CIMIP6: variants seen among roughly 807,000 people sequenced by gnomAD.
CIMIP6 encodes uncharacterized protein C2orf73.
At chr2:54,373,673 G>T in the CIMIP6 span, among the ~76,000 whole-genome samples, 1 of 152,100 alleles carries the variant, frequency 6.6e-6, no homozygotes, top group Non-Finnish European at 1.5e-5. Flanking sequence ...AACTGTAGGT[G>T]GCTGCCTATT....
chr2:54,331,121 T>C, the CIMIP6 span: 6 of 921,302 alleles, frequency 6.5e-6, no homozygotes, highest in Admixed American at 1.0e-4. Context: ...CTTGCTTCTC[T>C]AATTTCCAGT....
chr2:54,370,870 CGCCT>C, the CIMIP6 span, among the ~76,000 whole-genome samples: 5 of 152,166 alleles, frequency 3.3e-5, no homozygotes, highest in Admixed American at 1.3e-4. Flanking sequence ...TACCCAGGGT[CGCCT>C]GCCAAGTGAA....
chr2:54,354,741 T>C, the CIMIP6 span, among the ~76,000 whole-genome samples: 6 of 152,116 alleles, frequency 3.9e-5, no homozygotes, highest in Non-Finnish European at 7.4e-5. Context: ...TTGTGGTTTT[T>C]CTATTCAGGT....
chr2:54,345,860 C>G, the CIMIP6 span, among the ~76,000 whole-genome samples: 3 of 152,116 alleles, frequency 2.0e-5, no homozygotes, highest in Non-Finnish European at 4.4e-5. Flanking sequence ...ACAGAAGATT[C>G]TAAAAGTTTC....
At chr2:54,341,508 A>C in the CIMIP6 span, among the ~76,000 whole-genome samples, 1 of 152,220 alleles carries the variant, frequency 6.6e-6, no homozygotes, top group Non-Finnish European at 1.5e-5. Context: ...GTAGCAGCAC[A>C]AAACAGACTA....
the CIMIP6 span, among the ~76,000 whole-genome samples, chr2:54,380,143 C>CA: frequency 3.3e-5 from 5 of 151,602 alleles, no homozygotes; most frequent in African/African-American, 1.2e-4. Flanking sequence ...GACCCCATCT[C>CA]AAAAAAATAA....
the CIMIP6 span, among the ~76,000 whole-genome samples, chr2:54,364,329 A>C: frequency 6.6e-6 from 1 of 152,242 alleles, no homozygotes; most frequent in African/African-American, 2.4e-5. Flanking sequence ...AATTACAAAA[A>C]ATAAAAAAGA....
At chr2:54,381,161 T>A in the CIMIP6 span, among the ~76,000 whole-genome samples, 4 of 152,334 alleles carry the variant, frequency 2.6e-5, no homozygotes, top group Middle Eastern at 3.4e-3. Context: ...GCTGCTCTCC[T>A]GCTTTCAAGG....
the CIMIP6 span, among the ~76,000 whole-genome samples, chr2:54,348,598 TATTCA>T: frequency 2.0e-5 from 3 of 152,236 alleles, no homozygotes; most frequent in Non-Finnish European, 4.4e-5. Context: ...GCCTGCAATT[TATTCA>T]TATTTCAGGT....
chr2:54,359,594 TAAC>T, the CIMIP6 span, among the ~76,000 whole-genome samples: 5 of 147,190 alleles, frequency 3.4e-5, no homozygotes, highest in Admixed American at 6.7e-5. Context: ...TCATTTCTAA[TAAC>T]AATAATAATA....
At chr2:54,376,470 T>A in the CIMIP6 span, among the ~76,000 whole-genome samples, 1 of 152,208 alleles carries the variant, frequency 6.6e-6, no homozygotes. Context: ...TTGTGGCCCC[T>A]CTCTTGGGGT....
chr2:54,343,206 G>C, the CIMIP6 span, among the ~76,000 whole-genome samples: 1 of 152,150 alleles, frequency 6.6e-6, no homozygotes, highest in African/African-American at 2.4e-5. Flanking sequence ...TAAGTATTTT[G>C]TGAAACTTTT....
At chr2:54,379,567 T>C in the CIMIP6 span, among the ~76,000 whole-genome samples, 5 of 152,086 alleles carry the variant, frequency 3.3e-5, no homozygotes, top group African/African-American at 1.2e-4. Flanking sequence ...AGTCCAGGCA[T>C]GGTGGCTCAT....
chr2:54,355,920 T>C, the CIMIP6 span, among the ~76,000 whole-genome samples: 1 of 152,314 alleles, frequency 6.6e-6, no homozygotes, highest in East Asian at 1.9e-4. Flanking sequence ...TGGTCAAATT[T>C]ATGGTAGATC....
the CIMIP6 span, among the ~76,000 whole-genome samples, chr2:54,365,400 T>C: frequency 8.6e-5 from 13 of 151,958 alleles, no homozygotes; most frequent in Admixed American, 3.3e-4. Flanking sequence ...ATGAGATGGT[T>C]AAAAACAAAA....
the CIMIP6 span, among the ~76,000 whole-genome samples, chr2:54,378,951 G>A: frequency 6.6e-6 from 1 of 152,132 alleles, no homozygotes; most frequent in Non-Finnish European, 1.5e-5. Flanking sequence ...GGTTTTTGAG[G>A]GCAGAGAACA....
the CIMIP6 span, among the ~76,000 whole-genome samples, chr2:54,370,507 A>G: frequency 9.9e-5 from 15 of 152,212 alleles, no homozygotes; most frequent in Non-Finnish European, 2.1e-4. Flanking sequence ...TACAGTTGAC[A>G]TGTTTTTTGG....
the CIMIP6 span, chr2:54,334,922 T>C: frequency 6.3e-7 from 1 of 1,590,282 alleles, no homozygotes. Context: ...AATCACATGT[T>C]GGAAGAGGAC....
chr2:54,359,364 G>A, the CIMIP6 span, among the ~76,000 whole-genome samples: 115 of 152,144 alleles, frequency 7.6e-4, no homozygotes, highest in African/African-American at 2.3e-3. Flanking sequence ...ATTCCAGCCT[G>A]GGTGACACAA....
Sources: allele counts gnomAD v4.1 joint callset (sites outside exome capture counted in the v4.1 genomes callset), GRCh38; gene constraint gnomAD v4.1.1; transcripts MANE v1.5; gene names NCBI Gene and HGNC (gene_info 2026-07-23, HGNC 2026-07-21).